The following NUBPL variants were observed in gnomAD, a reference collection of about 807,000 sequenced individuals.
NUBPL encodes iron-sulfur cluster transfer protein NUBPL.
A neutral mutation model predicts 45.7 loss-of-function variants in NUBPL; 31 were observed. The ratio of observed to expected loss-of-function variants is 0.68; its 90% CI spans 0.51 to 0.92. The LOEUF is 0.92. NUBPL is among the 40% of genes least tolerant of loss of function. The pLI is 0.00. For missense variants in NUBPL, 401 were observed against 398.7 expected (o/e 1.01, Z -0.05); for synonymous variants, 144 against 140.9 (o/e 1.02, Z -0.15).
intron 6 of NUBPL, among the ~76,000 whole-genome samples, chr14:31,746,447 C>T (rs1566538298): frequency 6.6e-6 from 1 of 151,930 alleles, no homozygotes; most frequent in Non-Finnish European, 1.5e-5. Flanking sequence ...TTGAGATGAT[C>T]ATATAGTTTA....
chr14:31,825,535 G>A (rs1281649584), intron 7 of NUBPL, among the ~76,000 whole-genome samples: 1 of 143,610 alleles, frequency 7.0e-6, no homozygotes, highest in Non-Finnish European at 1.5e-5. Context: ...TTAGCATATG[G>A]TATTGTAATG....
chr14:31,708,366 C>G lies in NUBPL; in HGVS notation c.513+34792C>G, dbSNP rs367840695. Among the ~76,000 whole-genome samples the G allele has an allele frequency of 2.3e-3, 353 of 152,252 alleles. 1 individual carries two copies. The highest frequency in any genetic ancestry group is 8.1e-3 in the African/African-American group (336 of 41,542). ...GACTGGGTGGGCATTTTTTGCTTTTCCAAATTGTCCTTCCAATGCCCAGAC... is the reference window on the plus strand; with the variant it reads ...GACTGGGTGGGCATTTTTTGCTTTTGCAAATTGTCCTTCCAATGCCCAGAC... On this transcript the variant is annotated intron_variant, in intron 6 of 10. Coordinates refer to ENST00000281081, the MANE Select transcript of NUBPL (RefSeq NM_025152.3).
chr14:31,705,494 G>C (rs1353690091), intron 6 of NUBPL, among the ~76,000 whole-genome samples: 6 of 152,126 alleles, frequency 3.9e-5, no homozygotes, highest in Non-Finnish European at 8.8e-5. Context: ...ACAGAGTGCT[G>C]ATTGGTGCAT....
intron 6 of NUBPL, among the ~76,000 whole-genome samples, chr14:31,759,069 TA>T (rs145974384): frequency 6.6e-6 from 1 of 150,906 alleles, no homozygotes; most frequent in African/African-American, 2.4e-5. Flanking sequence ...CTATCGACTT[TA>T]AAAAAAACAA....
intron 6 of NUBPL, among the ~76,000 whole-genome samples, chr14:31,743,620 T>G (rs1405079408): frequency 6.6e-6 from 1 of 152,178 alleles, no homozygotes; most frequent in Non-Finnish European, 1.5e-5. Context: ...AGTCTGGTGG[T>G]CTGCCCTCAC....
chr14:31,687,032 G>A (rs1475811601), intron 6 of NUBPL, among the ~76,000 whole-genome samples: 1 of 152,180 alleles, frequency 6.6e-6, no homozygotes, highest in Non-Finnish European at 1.5e-5. Flanking sequence ...AGGACTGGTT[G>A]AGCCTAGGAA....
rs371802336 is a variant in NUBPL at position 31,825,745 on chromosome 14, ATCT to A, written c.608-879_608-877del. On this transcript the variant is annotated intron_variant, in intron 7 of 10. Coordinates refer to ENST00000281081, the MANE Select transcript of NUBPL (RefSeq NM_025152.3). ...CTCCTTCATCATCTTCTTCATTGTCATCTTCTTTTTTCTTCTTTCTTCTTCCTC... is the reference window on the plus strand; with the variant it reads ...CTCCTTCATCATCTTCTTCATTGTCATCTTTTTTCTTCTTTCTTCTTCCTC... 3.1e-3 allele frequency among the ~76,000 whole-genome samples: 366 copies of A among 119,940 alleles called. 2 individuals are homozygous for A. Among genetic ancestry groups the A allele is most frequent in the African/African-American group, 0.011 (341 of 30,092 alleles). 78.7% of individuals were successfully genotyped at this position (119,940 alleles called of 152,430 possible). A position where few individuals can be genotyped will look rare whatever the true frequency, so the allele number is the denominator to read the frequency against.
At chr14:31,854,351 C>G (rs1162936353) in intron 10 of NUBPL, among the ~76,000 whole-genome samples, 1 of 152,150 alleles carries the variant, frequency 6.6e-6, no homozygotes, top group Non-Finnish European at 1.5e-5. Context: ...TTTGAGTTAT[C>G]TCAGTTATGT....
chr14:31,593,507 C>A (rs1471375525), intron 3 of NUBPL, among the ~76,000 whole-genome samples: 8 of 100,066 alleles, frequency 8.0e-5, no homozygotes, highest in African/African-American at 2.6e-4. Context: ...GAGCGAGCTT[C>A]CGTCTCAAAA....
intron 7 of NUBPL, among the ~76,000 whole-genome samples, chr14:31,791,305 TAAAC>T (rs903129217): frequency 6.6e-6 from 1 of 152,124 alleles, no homozygotes; most frequent in Non-Finnish European, 1.5e-5. Context: ...AAAAAAGATT[TAAAC>T]AAACCTAAAA....
intron 3 of NUBPL, among the ~76,000 whole-genome samples, chr14:31,582,885 G>A (rs2033900622): frequency 6.6e-6 from 1 of 152,146 alleles, no homozygotes; most frequent in Admixed American, 6.5e-5. Context: ...TGAAGATTTA[G>A]GGAGTCTACC....
chr14:31,766,162 G>T (rs2038908372), intron 6 of NUBPL, among the ~76,000 whole-genome samples: 1 of 152,176 alleles, frequency 6.6e-6, no homozygotes, highest in Admixed American at 6.5e-5. Context: ...GATTAAAAAT[G>T]GATGCCAAAG....
Position 31,808,116 on chromosome 14 carries a change from G to T in NUBPL, c.608-18513G>T, listed in dbSNP as rs186025995. 1.8e-3 allele frequency among the ~76,000 whole-genome samples: 280 copies of T among 152,196 alleles called. 1 individual carries two copies. The highest frequency in any genetic ancestry group is 6.4e-3 in the African/African-American group (266 of 41,530). ...GACTTGGCGATGCGGACTCTTTTTT[G>T]GTTTCATATGAACTTGAAAGTAGTT... On this transcript the variant is annotated intron_variant, in intron 7 of 10. Transcript: ENST00000281081.
intron 6 of NUBPL, among the ~76,000 whole-genome samples, chr14:31,731,916 C>G (rs781580882): frequency 2.0e-5 from 3 of 151,984 alleles, no homozygotes; most frequent in Non-Finnish European, 2.9e-5. Flanking sequence ...GAAAAGGGAA[C>G]TGGAGGCCGG....
intron 6 of NUBPL, among the ~76,000 whole-genome samples, chr14:31,762,191 A>C (rs2038825570): frequency 6.6e-6 from 1 of 152,226 alleles, no homozygotes. Flanking sequence ...ACTATGTTGT[A>C]ACTTGAGTAT....
chr14:31,763,566 A>G (rs77218245), intron 6 of NUBPL, among the ~76,000 whole-genome samples: 258 of 152,312 alleles, frequency 1.7e-3, no homozygotes, highest in African/African-American at 5.6e-3. Flanking sequence ...TATTCAGACC[A>G]TTAGCTAACT....
chr14:31,841,552 G>A (rs199694043), intron 8 of NUBPL, among the ~76,000 whole-genome samples: 1 of 149,240 alleles, frequency 6.7e-6, no homozygotes, highest in East Asian at 2.0e-4. Context: ...TATGTGTATT[G>A]TATATACCAT....
At chr14:31,655,318 T>C (rs1465991724) in intron 4 of NUBPL, among the ~76,000 whole-genome samples, 4 of 152,198 alleles carry the variant, frequency 2.6e-5, no homozygotes, top group African/African-American at 9.6e-5. Context: ...GGCTGCAGAA[T>C]GGATGTTTTG....
intron 3 of NUBPL, among the ~76,000 whole-genome samples, chr14:31,591,988 T>C (rs2034154513): frequency 6.6e-6 from 1 of 152,164 alleles, no homozygotes. Context: ...TTAAATAGTA[T>C]GTTAGAAGGT....
Sources: allele counts gnomAD v4.1 joint callset (sites outside exome capture counted in the v4.1 genomes callset), GRCh38; gene constraint gnomAD v4.1.1; transcripts MANE v1.5; gene names NCBI Gene and HGNC (gene_info 2026-07-23, HGNC 2026-07-21).